Variants in SHTN1 observed in about 807,000 individuals in gnomAD.
SHTN1 encodes shootin 1.
In SHTN1, 42 loss-of-function variants were observed where a neutral mutation model predicts 83.1. The ratio of observed to expected loss-of-function variants is 0.51; its 90% CI spans 0.39 to 0.65. The LOEUF is 0.65. Among genes scored for constraint, SHTN1 ranks in the 30% least tolerant of loss-of-function variants. SHTN1 has a pLI of 0.00. For synonymous variants in SHTN1, 224 were observed against 247.7 expected (o/e 0.90, Z 0.90); for missense variants, 622 against 737.8 (o/e 0.84, Z 1.82).
intron 2 of SHTN1, among the ~76,000 whole-genome samples, chr10:117,017,704 AGGC>A (rs768414956): frequency 2.6e-5 from 4 of 152,182 alleles, no homozygotes; most frequent in Non-Finnish European, 4.4e-5. Flanking sequence ...CCTTGAGTGT[AGGC>A]TGGATTCAGT....
At chr10:117,088,705 T>C (rs531580614) in intron 1 of SHTN1, among the ~76,000 whole-genome samples, 13 of 152,340 alleles carry the variant, frequency 8.5e-5, no homozygotes, top group African/African-American at 3.1e-4. Context: ...CTGCAACGTA[T>C]AGGCTGTTTA....
intron 1 of SHTN1, among the ~76,000 whole-genome samples, chr10:117,113,485 A>AG (rs1853797050): frequency 6.6e-6 from 1 of 152,342 alleles, no homozygotes; most frequent in African/African-American, 2.4e-5. Flanking sequence ...GTGCCCCAGG[A>AG]GGGTCAGTTC....
At chr10:116,904,954 C>A (rs1165058964) in intron 15 of SHTN1, among the ~76,000 whole-genome samples, 1 of 151,874 alleles carries the variant, frequency 6.6e-6, no homozygotes, top group African/African-American at 2.4e-5. Context: ...GTAATCCCAG[C>A]ACTTTGGGAG....
At chr10:117,002,359 G>A (rs558567967) in intron 1 of SHTN1, among the ~76,000 whole-genome samples, 1 of 152,246 alleles carries the variant, frequency 6.6e-6, no homozygotes, top group East Asian at 1.9e-4. Context: ...CCTGACATAT[G>A]GTGGTACTTG....
At chr10:117,093,361 C>T (rs1368705867) in intron 1 of SHTN1, among the ~76,000 whole-genome samples, 1 of 151,846 alleles carries the variant, frequency 6.6e-6, no homozygotes, top group Non-Finnish European at 1.5e-5. Context: ...ACCAACCCTG[C>T]AAGGCATTAT....
At chr10:117,073,681 C>A (rs187823636) in intron 1 of SHTN1, among the ~76,000 whole-genome samples, 1 of 152,192 alleles carries the variant, frequency 6.6e-6, no homozygotes, top group Non-Finnish European at 1.5e-5. Context: ...TTAGCCCCCT[C>A]CTCTAGGAGT....
chr10:116,919,227 A>G (rs1480311976), intron 12 of SHTN1, among the ~76,000 whole-genome samples: 1 of 152,230 alleles, frequency 6.6e-6, no homozygotes, highest in Non-Finnish European at 1.5e-5. Context: ...TGTTCACTCA[A>G]CAACTATTTT....
At chr10:116,964,817 T>C (rs1850332495) in intron 3 of SHTN1, among the ~76,000 whole-genome samples, 1 of 152,104 alleles carries the variant, frequency 6.6e-6, no homozygotes, top group East Asian at 1.9e-4. Flanking sequence ...ACCCTGTCTA[T>C]ACTAAAAATA....
intron 2 of SHTN1, among the ~76,000 whole-genome samples, chr10:116,975,609 A>T (rs1474350048): frequency 6.6e-6 from 1 of 152,040 alleles, no homozygotes; most frequent in Non-Finnish European, 1.5e-5. Flanking sequence ...CTTTCCTTAT[A>T]AACTCAAACA....
chr10:117,027,918 A>G (rs1852353973), intron 2 of SHTN1, among the ~76,000 whole-genome samples: 1 of 152,258 alleles, frequency 6.6e-6, no homozygotes, highest in South Asian at 2.1e-4. Flanking sequence ...GGTAATGTGC[A>G]GAGCTTGGAA....
chr10:117,104,722 C>G (rs952260706), intron 1 of SHTN1, among the ~76,000 whole-genome samples: 7 of 152,048 alleles, frequency 4.6e-5, no homozygotes, highest in Non-Finnish European at 8.8e-5. Context: ...TGCAGTGAGC[C>G]GAGATCGCGC....
chr10:117,102,556 C>T (rs1452713986), intron 1 of SHTN1, among the ~76,000 whole-genome samples: 1 of 152,072 alleles, frequency 6.6e-6, no homozygotes, highest in Non-Finnish European at 1.5e-5. Flanking sequence ...AGCTTCCTGT[C>T]CTAGTGTTTT....
At chr10:117,061,399 T>G (rs944147015) in intron 1 of SHTN1, among the ~76,000 whole-genome samples, 1 of 152,156 alleles carries the variant, frequency 6.6e-6, no homozygotes. Context: ...GGTTTCACTA[T>G]GTTGCCCAAG....
At chr10:117,115,259 G>T (rs1178356662) in intron 1 of SHTN1, among the ~76,000 whole-genome samples, 1 of 151,970 alleles carries the variant, frequency 6.6e-6, no homozygotes, top group Non-Finnish European at 1.5e-5. Context: ...CTCTCCTATG[G>T]GCAAGTCTCT....
chr10:116,982,900 T>C (rs1357715544), intron 1 of SHTN1, among the ~76,000 whole-genome samples: 6 of 151,200 alleles, frequency 4.0e-5, no homozygotes, highest in East Asian at 3.9e-4. Context: ...GAGGCGGAGG[T>C]TGCAGTGAGC....
chr10:116,891,932 T>C (rs1223156504), intron 16 of SHTN1, among the ~76,000 whole-genome samples: 1 of 152,196 alleles, frequency 6.6e-6, no homozygotes, highest in African/African-American at 2.4e-5. Context: ...GTTTGTCAAT[T>C]TGGGTCCACT....
At chr10:116,918,171 A>G (rs1848439142) in intron 12 of SHTN1, among the ~76,000 whole-genome samples, 1 of 152,208 alleles carries the variant, frequency 6.6e-6, no homozygotes. Flanking sequence ...GGGACAAATG[A>G]AGACAACAGG....
At chr10:117,069,944 T>C (rs1853057539) in intron 1 of SHTN1, among the ~76,000 whole-genome samples, 1 of 151,838 alleles carries the variant, frequency 6.6e-6, no homozygotes, top group Non-Finnish European at 1.5e-5. Flanking sequence ...ATAAAGGGAG[T>C]AGAGTTCTAT....
intron 2 of SHTN1, among the ~76,000 whole-genome samples, chr10:117,040,593 G>T (rs1014213416): frequency 2.6e-5 from 4 of 152,180 alleles, no homozygotes; most frequent in Admixed American, 6.5e-5. Context: ...AAAACTGAGT[G>T]TGAACTATAT....
Sources: allele counts gnomAD v4.1 joint callset (sites outside exome capture counted in the v4.1 genomes callset), GRCh38; gene constraint gnomAD v4.1.1; transcripts MANE v1.5; gene names NCBI Gene and HGNC (gene_info 2026-07-23, HGNC 2026-07-21).